CLSTN2: variants seen among roughly 807,000 people sequenced by gnomAD.
The protein encoded by CLSTN2 is calsyntenin-2.
Under a neutral mutation model 101.2 loss-of-function variants are expected in CLSTN2, and 48 were observed. The observed-to-expected ratio is 0.47, with a 90% confidence interval of 0.38 to 0.60. The LOEUF is 0.60. CLSTN2 is among the 20% of genes least tolerant of loss of function. The pLI, the probability that CLSTN2 is intolerant of heterozygous loss-of-function variation, is 0.00. For synonymous variants in CLSTN2, 481 were observed against 463.6 expected (o/e 1.04, Z -0.48); for missense variants, 1,160 against 1,238.2 (o/e 0.94, Z 0.95).
At chr3:140,483,306 G>A (rs1934166584) in intron 8 of CLSTN2, among the ~76,000 whole-genome samples, 1 of 152,170 alleles carries the variant, frequency 6.6e-6, no homozygotes, top group African/African-American at 2.4e-5. Context: ...TGGTCTGAGA[G>A]ACAGTTTGTT....
At chr3:140,166,108 C>T (rs1202639737) in intron 1 of CLSTN2, among the ~76,000 whole-genome samples, 1 of 152,212 alleles carries the variant, frequency 6.6e-6, no homozygotes, top group Non-Finnish European at 1.5e-5. Context: ...TCAGCTCCCC[C>T]TAAACTTTGA....
chr3:140,448,397 T>C (rs1933147423), intron 5 of CLSTN2, 122 bp from the exon 6 acceptor site: 1 of 782,502 alleles, frequency 1.3e-6, no homozygotes, highest in African/African-American at 1.7e-5. Context: ...AACTGTTCCC[T>C]AATATCTAAT....
At chr3:140,375,864 A>G (rs1576539096) in intron 2 of CLSTN2, among the ~76,000 whole-genome samples, 1 of 152,200 alleles carries the variant, frequency 6.6e-6, no homozygotes, top group African/African-American at 2.4e-5. Flanking sequence ...GGGCAGAATC[A>G]TGAGGAAACT....
intron 2 of CLSTN2, among the ~76,000 whole-genome samples, chr3:140,294,830 G>T (rs2086988076): frequency 1.3e-5 from 2 of 152,168 alleles, no homozygotes; most frequent in Non-Finnish European, 2.9e-5. Context: ...GCATGGTTGG[G>T]TCCTGATGAT....
At chr3:140,231,997 A>AT (rs1181279513) in intron 2 of CLSTN2, among the ~76,000 whole-genome samples, 1 of 152,188 alleles carries the variant, frequency 6.6e-6, no homozygotes, top group East Asian at 1.9e-4. Flanking sequence ...TAACCGGATA[A>AT]TGGGTACTAT....
At chr3:140,403,215 C>T (rs527276234) in intron 2 of CLSTN2, among the ~76,000 whole-genome samples, 42 of 152,252 alleles carry the variant, frequency 2.8e-4, no homozygotes, top group East Asian at 1.7e-3. Flanking sequence ...CATAGACTCA[C>T]GCCCACTGTT....
intron 2 of CLSTN2, among the ~76,000 whole-genome samples, chr3:140,215,459 A>G (rs1291045499): frequency 6.6e-6 from 1 of 152,192 alleles, no homozygotes; most frequent in Admixed American, 6.5e-5. Flanking sequence ...TTTTCCCATG[A>G]TAGTTGTTTC....
chr3:140,059,381 A>G (rs1218402965), intron 1 of CLSTN2, among the ~76,000 whole-genome samples: 1 of 152,182 alleles, frequency 6.6e-6, no homozygotes, highest in Non-Finnish European at 1.5e-5. Flanking sequence ...GGGACTCCAT[A>G]AATGTGTGTT....
chr3:140,050,420 C>T (rs1457627091), intron 1 of CLSTN2, among the ~76,000 whole-genome samples: 1 of 152,146 alleles, frequency 6.6e-6, no homozygotes, highest in African/African-American at 2.4e-5. Context: ...TAAGGGATAC[C>T]AGAAAGGGAT....
At chr3:140,375,360 C>A (rs1030135479) in intron 2 of CLSTN2, among the ~76,000 whole-genome samples, 1 of 152,158 alleles carries the variant, frequency 6.6e-6, no homozygotes, top group Non-Finnish European at 1.5e-5. Context: ...GAAGGGGACC[C>A]CTTGCTATGG....
chr3:139,984,269 T>C (rs73224976), intron 1 of CLSTN2, among the ~76,000 whole-genome samples: 2,174 of 152,286 alleles, frequency 0.014, 31 homozygotes, highest in Non-Finnish European at 0.024. Flanking sequence ...GGATGATCCA[T>C]AGTCATGGAG....
Position 140,003,394 on chromosome 3 carries a change from A to T in CLSTN2, c.109+67911A>T, listed in dbSNP as rs568602356. 2.0e-5 allele frequency among the ~76,000 whole-genome samples: 3 copies of T among 152,200 alleles called. No homozygotes were observed. In the East Asian group the frequency reaches 5.8e-4, roughly 29 times the overall value. ...AAACACTACTGATTTTTGTATGTTG[A>T]TTTTGTATCCTGAAACTTTACTGAA... On this transcript the variant is annotated intron_variant, in intron 1 of 16. Transcript: ENST00000458420.
intron 5 of CLSTN2, among the ~76,000 whole-genome samples, chr3:140,446,994 T>C (rs1222329523): frequency 2.0e-5 from 3 of 152,184 alleles, no homozygotes; most frequent in South Asian, 2.1e-4. Flanking sequence ...AAATGGTTGC[T>C]CAGTGAACAA....
intron 1 of CLSTN2, among the ~76,000 whole-genome samples, chr3:140,141,323 C>G (rs1001239019): frequency 2.0e-5 from 3 of 152,202 alleles, no homozygotes; most frequent in African/African-American, 7.2e-5. Context: ...CAGTCCTGTT[C>G]TGCCTCTTGC....
At chr3:140,320,181 A>C (rs1477528436) in intron 2 of CLSTN2, among the ~76,000 whole-genome samples, 1 of 152,140 alleles carries the variant, frequency 6.6e-6, no homozygotes, top group Admixed American at 6.5e-5. Context: ...CAGCCGTGAG[A>C]CCTAAAGAAC....
At chr3:140,236,580 T>C (rs1036371416) in intron 2 of CLSTN2, among the ~76,000 whole-genome samples, 9 of 152,192 alleles carry the variant, frequency 5.9e-5, no homozygotes, top group Non-Finnish European at 1.2e-4. Context: ...CACTCCCGTT[T>C]TCTAAGGATT....
At position 140,222,927 on chromosome 3, in the gene CLSTN2, C is replaced by A. The variant is rs116568749; in HGVS notation, c.232+46854C>A. On this transcript the variant is annotated intron_variant, in intron 2 of 16. Transcript: ENST00000458420. ...GGCCTTACTCCTAAATGCCTTATATCTTTCTATCTTTTCATCTTTGCCCAA... is the reference window on the plus strand; with the variant it reads ...GGCCTTACTCCTAAATGCCTTATATATTTCTATCTTTTCATCTTTGCCCAA... 9.2e-3 allele frequency among the ~76,000 whole-genome samples: 1,370 copies of A among 149,602 alleles called. 28 individuals are homozygous for A. The highest frequency in any genetic ancestry group is 0.032 in the African/African-American group (1,302 of 40,774).
At chr3:140,316,253 C>T (rs1028674892) in intron 2 of CLSTN2, among the ~76,000 whole-genome samples, 1 of 152,186 alleles carries the variant, frequency 6.6e-6, no homozygotes, top group Non-Finnish European at 1.5e-5. Flanking sequence ...AGGAATGGGA[C>T]TTCACCCTGC....
chr3:140,363,668 G>A (rs1467382947), intron 2 of CLSTN2, among the ~76,000 whole-genome samples: 4 of 152,148 alleles, frequency 2.6e-5, no homozygotes, highest in African/African-American at 4.8e-5. Flanking sequence ...CACCCAAGCC[G>A]GGTTCCTTCC....
Sources: allele counts gnomAD v4.1 joint callset (sites outside exome capture counted in the v4.1 genomes callset), GRCh38; gene constraint gnomAD v4.1.1; transcripts MANE v1.5; gene names NCBI Gene and HGNC (gene_info 2026-07-23, HGNC 2026-07-21).